Variants in GABRB1 observed in about 807,000 individuals in gnomAD.
GABRB1 encodes gamma-aminobutyric acid receptor subunit beta-1.
In GABRB1, 17 loss-of-function variants were observed where a neutral mutation model predicts 51.6. The ratio of observed to expected loss-of-function variants is 0.33; its 90% CI spans 0.23 to 0.49. The LOEUF (loss-of-function observed/expected upper bound fraction) is 0.49. Among genes scored for constraint, GABRB1 ranks in the 20% least tolerant of loss-of-function variants. The pLI is 0.99. For synonymous variants in GABRB1, 247 were observed against 218.9 expected (o/e 1.13, Z -1.14); for missense variants, 410 against 600.6 (o/e 0.68, Z 3.32).
At chr4:46,999,247 G>A (rs778015905) in intron 1 of GABRB1, among the ~76,000 whole-genome samples, 1 of 152,262 alleles carries the variant, frequency 6.6e-6, no homozygotes, top group Non-Finnish European at 1.5e-5. Context: ...TTGTTGCCAA[G>A]TGCCTATTTT....
intron 4 of GABRB1, among the ~76,000 whole-genome samples, chr4:47,205,213 C>T (rs139619209): frequency 6.6e-6 from 1 of 152,272 alleles, no homozygotes; most frequent in African/African-American, 2.4e-5. Context: ...TGATTCAAGA[C>T]TCTTTCACAA....
chr4:47,364,861 A>AT (rs1553878880), intron 5 of GABRB1, among the ~76,000 whole-genome samples: 1 of 151,962 alleles, frequency 6.6e-6, no homozygotes, highest in Non-Finnish European at 1.5e-5. Flanking sequence ...TAGAAAAAAA[A>AT]GAATTTGAGA....
intron 4 of GABRB1, among the ~76,000 whole-genome samples, chr4:47,299,851 C>A (rs1293193015): frequency 6.6e-6 from 1 of 151,932 alleles, no homozygotes; most frequent in African/African-American, 2.4e-5. Context: ...AAATGTCCAA[C>A]AATGATAGAC....
intron 3 of GABRB1, among the ~76,000 whole-genome samples, chr4:47,094,471 C>A (rs1577902763): frequency 1.3e-5 from 2 of 151,972 alleles, no homozygotes; most frequent in African/African-American, 4.8e-5. Flanking sequence ...GATCCACCCG[C>A]CTCGGCCTCC....
At chr4:47,057,225 C>T (rs1726652411) in intron 3 of GABRB1, among the ~76,000 whole-genome samples, 1 of 152,160 alleles carries the variant, frequency 6.6e-6, no homozygotes, top group African/African-American at 2.4e-5. Context: ...GAATCTAGAC[C>T]TCTCTCATTG....
intron 3 of GABRB1, among the ~76,000 whole-genome samples, chr4:47,059,942 A>G (rs369045508): frequency 6.6e-6 from 1 of 152,220 alleles, no homozygotes; most frequent in Non-Finnish European, 1.5e-5. Context: ...TACAGTCCAA[A>G]TCATCATTGC....
chr4:47,321,530 T>C (rs1725086914), intron 5 of GABRB1, among the ~76,000 whole-genome samples: 2 of 152,236 alleles, frequency 1.3e-5, no homozygotes, highest in Admixed American at 1.3e-4. Flanking sequence ...AAGGTGTTTA[T>C]ATATAAAGTA....
At chr4:47,333,285 A>G (rs1725569491) in intron 5 of GABRB1, among the ~76,000 whole-genome samples, 1 of 148,682 alleles carries the variant, frequency 6.7e-6, no homozygotes, top group Non-Finnish European at 1.5e-5. Flanking sequence ...AATTTGAATA[A>G]TGATGCTATG....
intron 1 of GABRB1, among the ~76,000 whole-genome samples, chr4:46,994,854 T>A (rs1723935099): frequency 6.6e-6 from 1 of 152,198 alleles, no homozygotes; most frequent in East Asian, 1.9e-4. Flanking sequence ...TTGAGATGAC[T>A]AGTGGACGGG....
intron 4 of GABRB1, among the ~76,000 whole-genome samples, chr4:47,299,209 C>T (rs1040015907): frequency 3.3e-5 from 5 of 152,108 alleles, no homozygotes; most frequent in African/African-American, 1.2e-4. Flanking sequence ...ACACCAAAAG[C>T]AATGGCAGCA....
At chr4:47,292,581 C>T (rs1257869857) in intron 4 of GABRB1, among the ~76,000 whole-genome samples, 2 of 152,188 alleles carry the variant, frequency 1.3e-5, no homozygotes, top group Non-Finnish European at 2.9e-5. Context: ...TTATGGAAAG[C>T]AAAGGCATTG....
intron 4 of GABRB1, among the ~76,000 whole-genome samples, chr4:47,162,129 G>T (rs907231125): frequency 2.0e-5 from 3 of 152,008 alleles, no homozygotes; most frequent in African/African-American, 7.2e-5. Context: ...AAAAATCTCT[G>T]AGTTAAAAGT....
intron 4 of GABRB1, among the ~76,000 whole-genome samples, chr4:47,176,363 T>C (rs144229126): frequency 2.0e-4 from 31 of 152,242 alleles, no homozygotes; most frequent in Admixed American, 4.6e-4. Flanking sequence ...ATTAGTGCAC[T>C]GATTGATTTG....
chr4:47,358,402 T>TAG (rs1200907290), intron 5 of GABRB1, among the ~76,000 whole-genome samples: 22 of 150,534 alleles, frequency 1.5e-4, no homozygotes, highest in South Asian at 4.2e-4. Flanking sequence ...TATATATATA[T>TAG]ATAGAGAGAG....
At chr4:47,286,822 C>T (rs777010239) in intron 4 of GABRB1, among the ~76,000 whole-genome samples, 4 of 152,104 alleles carry the variant, frequency 2.6e-5, no homozygotes, top group Non-Finnish European at 4.4e-5. Flanking sequence ...AATATGATTG[C>T]ACAAACAAGA....
At chr4:47,048,901 T>G (rs998614264) in intron 3 of GABRB1, among the ~76,000 whole-genome samples, 2 of 152,090 alleles carry the variant, frequency 1.3e-5, no homozygotes, top group Non-Finnish European at 2.9e-5. Flanking sequence ...TTTCTCTAAA[T>G]GAATGGATAG....
At chr4:47,090,717 G>C (rs961348064) in intron 3 of GABRB1, among the ~76,000 whole-genome samples, 1 of 152,178 alleles carries the variant, frequency 6.6e-6, no homozygotes, top group African/African-American at 2.4e-5. Context: ...CATTAAAGGT[G>C]TGGACATCAG....
chr4:47,090,952 T>G (rs1207258994), intron 3 of GABRB1, among the ~76,000 whole-genome samples: 1 of 152,204 alleles, frequency 6.6e-6, no homozygotes, highest in Non-Finnish European at 1.5e-5. Flanking sequence ...ATACACTTCT[T>G]ATACTCTGGT....
chr4:47,070,162 A>C (rs1228932218), intron 3 of GABRB1, among the ~76,000 whole-genome samples: 1 of 151,816 alleles, frequency 6.6e-6, no homozygotes, highest in Non-Finnish European at 1.5e-5. Flanking sequence ...CAGCCTCCCA[A>C]GTAGCTGGGA....
Sources: allele counts gnomAD v4.1 joint callset (sites outside exome capture counted in the v4.1 genomes callset), GRCh38; gene constraint gnomAD v4.1.1; transcripts MANE v1.5; gene names NCBI Gene and HGNC (gene_info 2026-07-23, HGNC 2026-07-21).